The following VSIG4 variants were observed in gnomAD, a reference collection of about 807,000 sequenced individuals.
VSIG4 encodes V-set and immunoglobulin domain-containing protein 4.
A neutral mutation model predicts 23.4 loss-of-function variants in VSIG4; 34 were observed. The ratio of observed to expected loss-of-function variants is 1.45; its 90% CI spans 1.10 to 1.93. VSIG4 has a LOEUF of 1.93. Among genes scored for constraint, VSIG4 ranks in the 30% most tolerant of loss-of-function variants. The probability of loss-of-function intolerance (pLI) is 0.00; values close to 1 mark genes in which losing one functional copy is unlikely to be tolerated. For missense variants in VSIG4, 433 were observed against 310.8 expected, an observed-to-expected ratio of 1.39 and a Z score of -2.96; for synonymous variants, 169 against 120.3, an observed-to-expected ratio of 1.41 and a Z score of -2.65.
At chrX:66,030,956 G>C (rs770056037) in intron 3 of VSIG4, among the ~76,000 whole-genome samples, 1 of 110,900 alleles carries the variant, frequency 9.0e-6, no homozygotes, top group Admixed American at 9.6e-5. Flanking sequence ...GAGTTCCGTA[G>C]GGCAGAGGTG....
Position 66,039,955 on chromosome X carries a change from A to T in VSIG4, c.44T>A (p.Val15Glu). Residue 15 changes from valine to glutamate, a missense_variant, in exon 1 of 8, where the codon GTG (valine) becomes GAG (glutamate). Val to Glu is a moderately radical substitution (Grantham distance 121). Coordinates refer to ENST00000374737, the MANE Select transcript of VSIG4 (RefSeq NM_007268.3). ...LGLLLLGHLT[V>E]DTYGRPILEV... is the part of the protein sequence containing the mutation. ...CCTTTCTGCCTTACCATAAGTGTCC[A>T]CTGTTAGGTGCCCCAGGAGTAGCAG... is the stretch of plus-strand genomic sequence containing the variant. 8.3e-7 allele frequency: 1 copy of T among 1,211,291 alleles called. No individual in the cohort carries two copies. The highest frequency in any genetic ancestry group is 1.1e-6 in the Non-Finnish European group (1 of 895,190).
chrX:66,034,405 C>T (rs1423475964), intron 1 of VSIG4, among the ~76,000 whole-genome samples: 1 of 111,622 alleles, frequency 9.0e-6, no homozygotes, highest in Admixed American at 9.6e-5. Context: ...GGTCCCAACC[C>T]TAAGATGTTC....
At chrX:66,039,365 C>A (rs1304927578) in intron 1 of VSIG4, among the ~76,000 whole-genome samples, 1 of 111,737 alleles carries the variant, frequency 8.9e-6, no homozygotes, top group Non-Finnish European at 1.9e-5. Flanking sequence ...GGATTTAGTT[C>A]AACACAAATA....
At chrX:66,028,018 C>G in intron 4 of VSIG4, 32 bp downstream of exon 4, 1 of 1,183,851 alleles carries the variant, frequency 8.4e-7, no homozygotes, top group East Asian at 3.0e-5. Context: ...TTTTGAACCT[C>G]TACTACTTCC....
rs35553694 is a variant in VSIG4, at chrX:66,022,273, C to A, written c.1190G>T (p.Ser397Ile). ...DYEFLATEGK[S>I]VC is the part of the protein sequence containing the mutation. ...CCTAATGGGGCATTTTTAACAGACA[C>A]TTTTGCCCTCAGTGGCCAGAAACTC... The change falls in exon 8 of 8, where the codon AGT becomes ATT. Residue 397 changes from serine (S) to isoleucine (I), a missense_variant. By Grantham distance (142) the Ser-to-Ile change is moderately radical. Transcript: ENST00000374737. 218 of 1,211,009 alleles carry A rather than the reference C, an allele frequency of 1.8e-4. No individual in the cohort carries two copies. In the African/African-American group the frequency reaches 3.3e-3, roughly 19 times the overall value.
Position 66,033,550 on chromosome X carries a change from C to T in VSIG4, c.336G>A (p.Thr112=), listed in dbSNP as rs377268820. 181 of 1,209,701 alleles carry T rather than the reference C, an allele frequency of 1.5e-4. 1 individual carries two copies. The South Asian group carries it at 2.2e-3, about 15-fold the overall frequency. ...CAGGAGTCTGCCAGGTGACTTCACA[C>T]GTGTAGTGGCTCCGGTCATCCATCT... ...TLEMDDRSHY[T]CEVTWQTPDG... is the part of the protein sequence containing the mutation. Residue 112 remains threonine (T), a synonymous_variant, in exon 2 of 8, where the codon ACG becomes ACA. Transcript: ENST00000374737.
At chrX:66,027,922 C>T (rs771388987) in intron 4 of VSIG4, 128 bp downstream of exon 4, 54 of 589,810 alleles carry the variant, frequency 9.2e-5, no homozygotes, top group Admixed American at 2.2e-4. Context: ...CATTCCTTTA[C>T]TGCTATGTTC....
chrX:66,028,736 T>C (rs2085426933), intron 3 of VSIG4, among the ~76,000 whole-genome samples: 1 of 109,477 alleles, frequency 9.1e-6, no homozygotes, highest in African/African-American at 3.3e-5. Flanking sequence ...ATCTTGAACA[T>C]ACAACCCCAT....
intron 3 of VSIG4, among the ~76,000 whole-genome samples, chrX:66,031,343 G>C (rs923317959): frequency 9.1e-6 from 1 of 109,490 alleles, no homozygotes; most frequent in African/African-American, 3.3e-5. Flanking sequence ...AGAGAACTGG[G>C]ACACTGTTCA....
chrX:66,024,910 T>C, intron 6 of VSIG4, 115 bp downstream of exon 6: 1 of 495,365 alleles, frequency 2.0e-6, no homozygotes, highest in Non-Finnish European at 3.2e-6. Flanking sequence ...ACTCCCAAAC[T>C]AGGCTGGGAG....
At position 66,022,302 on chromosome X, in the gene VSIG4, A is replaced by C; in HGVS notation, c.1161T>G (p.Asp387Glu). ...TGCCCTCAGTGGCCAGAAACTCATAATCCAGAGGAACTGTGTCCAGCAGGC... is the reference window on the plus strand; with the variant it reads ...TGCCCTCAGTGGCCAGAAACTCATACTCCAGAGGAACTGTGTCCAGCAGGC... ...YARLLDTVPL[D>E]YEFLATEGKS... is the part of the protein sequence containing the mutation. Residue 387 changes from aspartate (D) to glutamate (E), a missense_variant, in exon 8 of 8, where the codon GAT becomes GAG. Transcript: ENST00000374737. The C allele has an allele frequency of 8.2e-7, 1 of 1,212,166 alleles. No homozygotes were observed. The highest frequency in any genetic ancestry group is 3.0e-5 in the East Asian group (1 of 33,785).
At chrX:66,032,324 A>T in intron 3 of VSIG4, 144 bp downstream of exon 3, 1 of 731,336 alleles carries the variant, frequency 1.4e-6, no homozygotes, top group Non-Finnish European at 1.9e-6. Flanking sequence ...CCCCAGTCCA[A>T]GTTTTTTTTC....
In VSIG4 at chrX:66,037,722, T is replaced by C. The variant is rs182065717; in HGVS notation, c.55+2222A>G. Among the ~76,000 whole-genome samples, 4 of 91,830 alleles carry C rather than the reference T, an allele frequency of 4.4e-5. No individual in the cohort carries two copies. In the Admixed American group the frequency reaches 5.4e-4, roughly 12 times the overall value. 79.7% of individuals were successfully genotyped at this position (91,830 alleles called of 115,157 possible). A position where few individuals can be genotyped will look rare whatever the true frequency, so the allele number is the denominator to read the frequency against. Reference sequence around the variant, plus strand: ...TATACTTATTACTGATAAGTATATATACTTATTACTAAGTATATAAACTTA... The same window carrying C: ...TATACTTATTACTGATAAGTATATACACTTATTACTAAGTATATAAACTTA... On this transcript the variant is annotated intron_variant, in intron 1 of 7. Transcript: ENST00000374737.
At chrX:66,030,535 A>G (rs1337639524) in intron 3 of VSIG4, among the ~76,000 whole-genome samples, 1 of 110,524 alleles carries the variant, frequency 9.0e-6, no homozygotes, top group Non-Finnish European at 1.9e-5. Flanking sequence ...TGTTGTGGAG[A>G]GGAGCAAAGC....
At position 66,028,076 on chromosome X, in the gene VSIG4, G is replaced by A; in HGVS notation, c.731C>T (p.Pro244Leu). Residue 244 changes from proline to leucine, a missense_variant, in exon 4 of 8, where the codon CCT (proline) becomes CTT (leucine). Coordinates refer to ENST00000374737, the MANE Select transcript of VSIG4 (RefSeq NM_007268.3). The part of the protein sequence containing the change: ...SKLLKTKTEA[P>L]TTMTYPLKAT... ...TTTCAAGGGGTATGTCATGGTTGTA[G>A]GTGCCTCAGTCTTGGTCTTGAGTAG... is the stretch of plus-strand genomic sequence containing the variant. The A allele has an allele frequency of 8.3e-7, 1 of 1,210,994 alleles. No homozygotes were observed. The highest frequency in any genetic ancestry group is 3.0e-5 in the East Asian group (1 of 33,807).
intron 3 of VSIG4, among the ~76,000 whole-genome samples, chrX:66,028,725 A>T (rs751231770): frequency 8.2e-5 from 9 of 109,803 alleles, no homozygotes; most frequent in Non-Finnish European, 1.5e-4. Flanking sequence ...CCTCAGAGGT[A>T]ATCTTGAACA....
At chrX:66,028,864 G>T (rs1341494775) in intron 3 of VSIG4, among the ~76,000 whole-genome samples, 1 of 111,246 alleles carries the variant, frequency 9.0e-6, no homozygotes, top group East Asian at 2.8e-4. Flanking sequence ...GTCACCCAGT[G>T]CTAAGAGCCT....
intron 3 of VSIG4, among the ~76,000 whole-genome samples, chrX:66,030,894 A>G (rs73215204): frequency 0.16 from 17,692 of 110,647 alleles, 1,656 homozygotes; most frequent in African/African-American, 0.34. Context: ...CTCCAGAGTC[A>G]TTCTAGAACT....
intron 3 of VSIG4, among the ~76,000 whole-genome samples, chrX:66,029,085 A>G (rs1226323056): frequency 2.7e-5 from 3 of 111,623 alleles, no homozygotes; most frequent in South Asian, 7.4e-4. Context: ...AGACATGAGA[A>G]AACCATAAGC....
Sources: gnomAD v4.1 joint callset for allele counts (sites outside exome capture counted in the v4.1 genomes callset) on GRCh38, gnomAD v4.1.1 for gene constraint, MANE v1.5 for transcripts, NCBI Gene and HGNC (gene_info 2026-07-23, HGNC 2026-07-21) for gene names.